ESRRG: variants seen among roughly 807,000 people sequenced by gnomAD.
ESRRG encodes estrogen related receptor gamma, also known as estrogen-related receptor gamma.
In ESRRG, 13 loss-of-function variants were observed where a neutral mutation model predicts 44.0. The ratio of observed to expected loss-of-function variants is 0.30; its 90% CI spans 0.19 to 0.47. ESRRG has a LOEUF of 0.47. ESRRG is among the 20% of genes least tolerant of loss of function. The pLI is 1.00. For missense variants in ESRRG, 395 were observed against 580.6 expected (o/e 0.68, Z 3.29); for synonymous variants, 215 against 214.6 (o/e 1.00, Z -0.02).
chr1:216,677,757 A>C (rs2076353133), intron 1 of ESRRG, among the ~76,000 whole-genome samples: 2 of 152,200 alleles, frequency 1.3e-5, no homozygotes, highest in Admixed American at 1.3e-4. Context: ...ACAGGGTTAC[A>C]ACAAAGGGCC....
intron 1 of ESRRG, among the ~76,000 whole-genome samples, chr1:217,017,830 A>G (rs1288724686): frequency 2.6e-5 from 4 of 152,230 alleles, no homozygotes; most frequent in Non-Finnish European, 5.9e-5. Flanking sequence ...AAACAGCAAT[A>G]ACCAAAGGCA....
chr1:216,670,463 C>A (rs548527407), intron 2 of ESRRG, among the ~76,000 whole-genome samples: 97 of 152,316 alleles, frequency 6.4e-4, no homozygotes, highest in Admixed American at 1.4e-3. Context: ...AAAGCCCTTG[C>A]CTGAAGGCTG....
chr1:216,748,959 T>C (rs972353577), intron 2 of ESRRG, among the ~76,000 whole-genome samples: 3 of 152,086 alleles, frequency 2.0e-5, no homozygotes, highest in Non-Finnish European at 2.9e-5. Flanking sequence ...TTCAGTTGCC[T>C]ACGGTCGACG....
chr1:216,767,887 A>G lies in ESRRG; in HGVS notation c.-13-90396T>C, dbSNP rs17043741. Among the ~76,000 whole-genome samples the G allele has an allele frequency of 3.8e-3, 575 of 152,294 alleles. 7 individuals carry two copies. The highest frequency in any genetic ancestry group is 0.013 in the African/African-American group (555 of 41,568). On this transcript the variant is annotated intron_variant, in intron 2 of 7. Coordinates refer to the ESRRG transcript ENST00000359162. Reference sequence around the variant, plus strand: ...GCTTTGTTCCCAACACAACTCTTTCATAAGAAGACAGTAACCCATTAGGAA... The same window carrying G: ...GCTTTGTTCCCAACACAACTCTTTCGTAAGAAGACAGTAACCCATTAGGAA...
chr1:216,728,662 A>G (rs528998742), intron 2 of ESRRG, among the ~76,000 whole-genome samples: 120 of 152,218 alleles, frequency 7.9e-4, no homozygotes, highest in African/African-American at 2.7e-3. Flanking sequence ...CTAAAAATAT[A>G]TATATCATAA....
At chr1:216,703,741 T>TTGAATG (rs1281931411) in intron 1 of ESRRG, among the ~76,000 whole-genome samples, 21 of 151,506 alleles carry the variant, frequency 1.4e-4, no homozygotes, top group Middle Eastern at 3.4e-3. Context: ...GGGATTTTTG[T>TTGAATG]TGAATGTGGG....
chr1:216,971,688 G>A (rs905873570), intron 1 of ESRRG, among the ~76,000 whole-genome samples: 1 of 152,068 alleles, frequency 6.6e-6, no homozygotes, highest in African/African-American at 2.4e-5. Flanking sequence ...GATGCTTCAG[G>A]AAAACAGCTA....
intron 2 of ESRRG, among the ~76,000 whole-genome samples, chr1:216,878,244 C>A (rs191042303): frequency 7.0e-4 from 106 of 152,264 alleles, no homozygotes; most frequent in Middle Eastern, 3.4e-3. Context: ...TGATCATATA[C>A]TTTGCCTACC....
At chr1:216,932,489 C>A (rs2063498052) in intron 2 of ESRRG, among the ~76,000 whole-genome samples, 1 of 151,944 alleles carries the variant, frequency 6.6e-6, no homozygotes, top group Non-Finnish European at 1.5e-5. Context: ...TCTGTTAGAA[C>A]CATGGGTAAC....
intron 2 of ESRRG, among the ~76,000 whole-genome samples, chr1:216,751,596 C>A (rs1252903178): frequency 6.6e-6 from 1 of 151,884 alleles, no homozygotes; most frequent in Non-Finnish European, 1.5e-5. Context: ...CCCTTTTTTT[C>A]CTCCCTGCTT....
intron 1 of ESRRG, among the ~76,000 whole-genome samples, chr1:217,079,219 C>G (rs976415118): frequency 3.9e-5 from 6 of 152,190 alleles, no homozygotes; most frequent in African/African-American, 1.4e-4. Context: ...TGGTTAACCA[C>G]TTCATTAACT....
chr1:216,567,972 C>T lies in ESRRG; in HGVS notation c.700+16G>A, dbSNP rs11572766. ...ATTTCGTGTTCTGGGAAGCCAGACA[C>T]ATCTGCTGTACTTACATGGCTTTTT... On this transcript the variant is annotated intron_variant, in intron 4 of 6. Transcript: ENST00000408911. The T allele has an allele frequency of 0.18, 286,492 of 1,549,754 alleles. 29,199 individuals are homozygous for T. The highest frequency in any genetic ancestry group is 0.24 in the Middle Eastern group (1,423 of 5,950).
At chr1:216,867,111 T>C (rs900622535) in intron 2 of ESRRG, among the ~76,000 whole-genome samples, 1 of 152,212 alleles carries the variant, frequency 6.6e-6, no homozygotes, top group African/African-American at 2.4e-5. Context: ...ACGTGCATGC[T>C]GACATGGTCT....
intron 1 of ESRRG, among the ~76,000 whole-genome samples, chr1:216,716,731 T>A (rs1174047805): frequency 6.6e-6 from 1 of 151,940 alleles, no homozygotes; most frequent in Non-Finnish European, 1.5e-5. Flanking sequence ...TGAAGTAGGC[T>A]CCCTGTAAGT....
At chr1:216,680,272 G>A (rs1000906426) in intron 1 of ESRRG, among the ~76,000 whole-genome samples, 3 of 152,134 alleles carry the variant, frequency 2.0e-5, no homozygotes, top group Non-Finnish European at 4.4e-5. Flanking sequence ...AGATAACTTC[G>A]TAAGGGAGGT....
At position 216,688,972 on chromosome 1, in the gene ESRRG, T is replaced by C. The variant is rs150955454; in HGVS notation, c.57-11481A>G. The stretch of plus-strand genomic sequence containing the variant: ...ATATATCTTAAAATACAGAGATGCA[T>C]ATGGGTAAACACACATTAACTTCCC... On this transcript the variant is annotated intron_variant, in intron 1 of 6. Coordinates refer to ENST00000408911, the MANE Select transcript of ESRRG (RefSeq NM_001438.4). Among the ~76,000 whole-genome samples the C allele has an allele frequency of 3.2e-4, 48 of 152,238 alleles. No individual in the cohort carries two copies. In the East Asian group the frequency reaches 8.7e-3, roughly 28 times the overall value.
chr1:216,548,695 G>T (rs768613303), intron 5 of ESRRG, among the ~76,000 whole-genome samples: 3 of 151,880 alleles, frequency 2.0e-5, no homozygotes, highest in Non-Finnish European at 4.4e-5. Context: ...CCTATAGTAC[G>T]CTGGGCTACT....
At chr1:216,596,980 G>A (rs1278134056) in intron 3 of ESRRG, among the ~76,000 whole-genome samples, 1 of 152,116 alleles carries the variant, frequency 6.6e-6, no homozygotes, top group Non-Finnish European at 1.5e-5. Context: ...ACAGGTAAGA[G>A]CTGCTGACCA....
chr1:216,600,647 T>C (rs560497874), intron 3 of ESRRG, among the ~76,000 whole-genome samples: 1 of 152,286 alleles, frequency 6.6e-6, no homozygotes, highest in African/African-American at 2.4e-5. Context: ...CCATTAGTTA[T>C]TTTAAAAATA....
Sources: allele counts gnomAD v4.1 joint callset (sites outside exome capture counted in the v4.1 genomes callset), GRCh38; gene constraint gnomAD v4.1.1; transcripts MANE v1.5; gene names NCBI Gene and HGNC (gene_info 2026-07-23, HGNC 2026-07-21).